The following CSRNP3 variants were observed in gnomAD, a reference collection of about 807,000 sequenced individuals.
CSRNP3 encodes the protein cysteine/serine-rich nuclear protein 3.
CSRNP3 carries 12 observed loss-of-function variants against 48.0 expected under a neutral mutation model. That is an observed-to-expected ratio of 0.25 (90% CI 0.16 to 0.41). The LOEUF is 0.41. Among genes scored for constraint, CSRNP3 ranks in the 10% least tolerant of loss-of-function variants. The pLI is 1.00. For synonymous variants in CSRNP3, 263 were observed against 269.7 expected (o/e 0.98, Z 0.24); for missense variants, 580 against 724.4 (o/e 0.80, Z 2.29).
Position 165,680,336 on chromosome 2 carries a change from C to G in CSRNP3, c.*583C>G, listed in dbSNP as rs1199800937. Reference sequence around the variant, plus strand: ...GCCCACATGGATTGCATCTGGAATCCATTCACATTTTTATGATCATGACTG... The same window carrying G: ...GCCCACATGGATTGCATCTGGAATCGATTCACATTTTTATGATCATGACTG... On this transcript the variant is annotated 3_prime_UTR_variant, in exon 7 of 7. Coordinates refer to ENST00000651982, the MANE Select transcript of CSRNP3 (RefSeq NM_001172173.2). The G allele has an allele frequency of 1.3e-5, 2 of 152,760 alleles. No homozygotes were observed. Among genetic ancestry groups the G allele is most frequent in the African/African-American group, 4.8e-5 (2 of 41,384 alleles). The allele number at this position is 152,760 out of a possible 1,614,324, so 9.5% of individuals were successfully genotyped here.
intron 3 of CSRNP3, chr2:165,572,673 A>G (rs1685390687): frequency 6.6e-6 from 1 of 152,202 alleles, no homozygotes; most frequent in South Asian, 2.1e-4. Context: ...TGCCTTAAAC[A>G]AAAACTTTGC....
chr2:165,471,389 A>G (rs563983550), intron 1 of CSRNP3, among the ~76,000 whole-genome samples: 32 of 152,152 alleles, frequency 2.1e-4, no homozygotes, highest in African/African-American at 6.0e-4. Flanking sequence ...AAGGTGATAT[A>G]TAAGACCAGA....
At chr2:165,668,384 C>CCTTTCTTT (rs1378064033) in intron 5 of CSRNP3, among the ~76,000 whole-genome samples, 18 of 148,026 alleles carry the variant, frequency 1.2e-4, no homozygotes, top group African/African-American at 4.5e-4. Context: ...TGAATCATAT[C>CCTTTCTTT]CTTTCTTTCT....
chr2:165,617,249 A>C (rs893871120), intron 4 of CSRNP3, among the ~76,000 whole-genome samples: 1 of 152,202 alleles, frequency 6.6e-6, no homozygotes, highest in Non-Finnish European at 1.5e-5. Context: ...GTATCATTAC[A>C]TGATAGCTGC....
chr2:165,503,845 A>C (rs1332212227), intron 2 of CSRNP3, among the ~76,000 whole-genome samples: 2 of 151,970 alleles, frequency 1.3e-5, no homozygotes, highest in Admixed American at 6.6e-5. Context: ...GTGCTTTAAA[A>C]ATGGAAATGC....
At chr2:165,625,246 A>G (rs1485701608) in intron 4 of CSRNP3, among the ~76,000 whole-genome samples, 1 of 152,128 alleles carries the variant, frequency 6.6e-6, no homozygotes, top group Non-Finnish European at 1.5e-5. Context: ...AGGGAGTGAG[A>G]CAGGCACTAC....
chr2:165,534,007 ATTCTTC>A (rs959660908), intron 3 of CSRNP3, among the ~76,000 whole-genome samples: 1 of 152,058 alleles, frequency 6.6e-6, no homozygotes, highest in Non-Finnish European at 1.5e-5. Context: ...GAAACAATGA[ATTCTTC>A]TTATAACTGT....
chr2:165,520,264 T>A (rs1165662355), intron 3 of CSRNP3, among the ~76,000 whole-genome samples: 1 of 152,144 alleles, frequency 6.6e-6, no homozygotes, highest in Non-Finnish European at 1.5e-5. Flanking sequence ...ATATTTTCAT[T>A]CAATGTTTGG....
At chr2:165,481,569 G>A (rs1417313280) in intron 1 of CSRNP3, among the ~76,000 whole-genome samples, 1 of 152,110 alleles carries the variant, frequency 6.6e-6, no homozygotes, top group Admixed American at 6.5e-5. Context: ...CTATTCATTC[G>A]TACCTCAAAG....
At chr2:165,620,931 T>C (rs560658694) in intron 4 of CSRNP3, among the ~76,000 whole-genome samples, 38 of 152,250 alleles carry the variant, frequency 2.5e-4, no homozygotes, top group African/African-American at 7.7e-4. Context: ...AATATTATCA[T>C]TGTGTTTTAT....
In CSRNP3 at chr2:165,687,275, CA is replaced by C. The variant is rs1687644911; in HGVS notation, c.*7524del. 1 of 152,012 alleles carries C rather than the reference CA, an allele frequency of 6.6e-6. No homozygotes were observed. Among genetic ancestry groups the C allele is most frequent in the South Asian group, 2.1e-4 (1 of 4,822 alleles). 9.4% of individuals were successfully genotyped at this position (152,012 alleles called of 1,614,324 possible). A position where few individuals can be genotyped will look rare whatever the true frequency, so the allele number is the denominator to read the frequency against. ...CAGAGACAATGGTCTGTAACATGAC[CA>C]ACTTTTGACAAATATGGCTGTACTA... On this transcript the variant is annotated 3_prime_UTR_variant, in exon 7 of 7. Coordinates refer to ENST00000651982, the MANE Select transcript of CSRNP3 (RefSeq NM_001172173.2).
rs1006658667 is a variant in CSRNP3 at position 165,684,434 on chromosome 2, G to T, written c.*4681G>T. The T allele has an allele frequency of 1.3e-5, 2 of 152,044 alleles. No individual in the cohort carries two copies. Among genetic ancestry groups the T allele is most frequent in the Non-Finnish European group, 2.9e-5 (2 of 67,970 alleles). The allele number at this position is 152,044 out of a possible 1,614,324, so 9.4% of individuals were successfully genotyped here. On this transcript the variant is annotated 3_prime_UTR_variant, in exon 7 of 7. Transcript: ENST00000651982. Reference sequence around the variant, plus strand: ...ACAGTTTGCAGTGCCATTATAGCCAGTGTATTAAATACCAGGCTTTAATGG... The same window carrying T: ...ACAGTTTGCAGTGCCATTATAGCCATTGTATTAAATACCAGGCTTTAATGG...
chr2:165,639,902 A>T (rs1056529778), intron 4 of CSRNP3, among the ~76,000 whole-genome samples: 4 of 152,196 alleles, frequency 2.6e-5, no homozygotes, highest in African/African-American at 7.2e-5. Context: ...TTTGTCAATT[A>T]TCTGTCAGAA....
intron 4 of CSRNP3, among the ~76,000 whole-genome samples, chr2:165,643,277 G>T (rs1371377912): frequency 6.6e-6 from 1 of 152,154 alleles, no homozygotes; most frequent in Non-Finnish European, 1.5e-5. Context: ...GCCCTGACCT[G>T]TCCTTACTTG....
At chr2:165,671,484 C>T (rs1025753678) in intron 5 of CSRNP3, among the ~76,000 whole-genome samples, 2 of 152,220 alleles carry the variant, frequency 1.3e-5, no homozygotes, top group Non-Finnish European at 2.9e-5. Context: ...TGAAGCCATG[C>T]CCCGAGCTGT....
chr2:165,533,954 G>A (rs551833543), intron 3 of CSRNP3, among the ~76,000 whole-genome samples: 3 of 151,920 alleles, frequency 2.0e-5, no homozygotes, highest in Non-Finnish European at 4.4e-5. Context: ...CAGAAGATTT[G>A]CATTGATAAA....
At chr2:165,543,236 G>A (rs1558929917) in intron 3 of CSRNP3, among the ~76,000 whole-genome samples, 1 of 151,996 alleles carries the variant, frequency 6.6e-6, no homozygotes, top group Non-Finnish European at 1.5e-5. Flanking sequence ...AGCTGTTCAT[G>A]TATTTTTACA....
intron 3 of CSRNP3, among the ~76,000 whole-genome samples, chr2:165,592,309 T>C (rs986125115): frequency 6.6e-6 from 1 of 152,232 alleles, no homozygotes; most frequent in Non-Finnish European, 1.5e-5. Flanking sequence ...ACCCAATGCC[T>C]GTAGCCCCAT....
At chr2:165,598,690 C>T (rs142758612) in intron 4 of CSRNP3, among the ~76,000 whole-genome samples, 1 of 152,236 alleles carries the variant, frequency 6.6e-6, no homozygotes, top group Non-Finnish European at 1.5e-5. Flanking sequence ...TGAAGTGTTT[C>T]AGCACATCAT....
Sources: gnomAD v4.1 joint callset for allele counts (sites outside exome capture counted in the v4.1 genomes callset) on GRCh38, gnomAD v4.1.1 for gene constraint, MANE v1.5 for transcripts, NCBI Gene and HGNC (gene_info 2026-07-23, HGNC 2026-07-21) for gene names.